The following SLC13A1 variants were observed in gnomAD, a reference collection of about 807,000 sequenced individuals.
SLC13A1 encodes solute carrier family 13 member 1.
A neutral mutation model predicts 70.0 loss-of-function variants in SLC13A1; 65 were observed. The ratio of observed to expected loss-of-function variants is 0.93; its 90% CI spans 0.76 to 1.14. SLC13A1 has a LOEUF of 1.14. Ranked by LOEUF, SLC13A1 falls within the 50% of genes most tolerant of loss-of-function variation. The pLI, the probability that SLC13A1 is intolerant of heterozygous loss-of-function variation, is 0.00. For missense variants in SLC13A1, 726 were observed against 717.8 expected (o/e 1.01, Z -0.13); for synonymous variants, 275 against 250.5 (o/e 1.10, Z -0.92).
chr7:123,136,190 C>G (rs1273349364), intron 7 of SLC13A1, among the ~76,000 whole-genome samples: 1 of 152,192 alleles, frequency 6.6e-6, no homozygotes, highest in Admixed American at 6.5e-5. Flanking sequence ...AGAGCTCTCT[C>G]TACCCACTGG....
At chr7:123,167,189 A>G (rs1795105569) in intron 6 of SLC13A1, among the ~76,000 whole-genome samples, 1 of 152,196 alleles carries the variant, frequency 6.6e-6, no homozygotes, top group Non-Finnish European at 1.5e-5. Context: ...CCATCCCATT[A>G]CTGGGTATAT....
At chr7:123,158,812 AT>A (rs1449192602) in intron 6 of SLC13A1, among the ~76,000 whole-genome samples, 1 of 152,138 alleles carries the variant, frequency 6.6e-6, no homozygotes, top group Non-Finnish European at 1.5e-5. Context: ...AAAATAAAAA[AT>A]AATAACCTAT....
intron 7 of SLC13A1, among the ~76,000 whole-genome samples, chr7:123,144,465 A>G (rs1297095054): frequency 1.3e-5 from 2 of 152,292 alleles, no homozygotes; most frequent in South Asian, 2.1e-4. Flanking sequence ...TTACACAGGA[A>G]TAAACTGAGT....
intron 2 of SLC13A1, among the ~76,000 whole-genome samples, chr7:123,174,599 T>C (rs1401637668): frequency 6.6e-6 from 1 of 152,116 alleles, no homozygotes; most frequent in Non-Finnish European, 1.5e-5. Flanking sequence ...CTTTTTCTGA[T>C]CCACTCCATA....
intron 1 of SLC13A1, among the ~76,000 whole-genome samples, chr7:123,186,008 C>T (rs1020680757): frequency 8.6e-5 from 13 of 151,942 alleles, no homozygotes; most frequent in African/African-American, 3.1e-4. Flanking sequence ...TTTTCTTGGT[C>T]GTGCTTGGGT....
At chr7:123,176,565 A>C (rs1795452102) in intron 2 of SLC13A1, among the ~76,000 whole-genome samples, 2 of 152,318 alleles carry the variant, frequency 1.3e-5, no homozygotes, top group East Asian at 1.9e-4. Context: ...ATCAATAAAT[A>C]GTTGTAAAAA....
At chr7:123,146,997 C>A (rs572828342) in intron 7 of SLC13A1, among the ~76,000 whole-genome samples, 162 bp downstream of exon 7, 1 of 152,212 alleles carries the variant, frequency 6.6e-6, no homozygotes, top group East Asian at 1.9e-4. Flanking sequence ...ATTTAATTCT[C>A]AGTATAAAGG....
At chr7:123,158,884 C>A (rs1019620262) in intron 6 of SLC13A1, among the ~76,000 whole-genome samples, 3 of 152,008 alleles carry the variant, frequency 2.0e-5, no homozygotes, top group African/African-American at 4.8e-5. Flanking sequence ...CAAACAAAAA[C>A]TGTGAATTTA....
intron 8 of SLC13A1, among the ~76,000 whole-genome samples, chr7:123,132,137 G>A (rs557615801): frequency 1.1e-4 from 16 of 152,242 alleles, no homozygotes; most frequent in African/African-American, 3.9e-4. Context: ...GCTGAAATCA[G>A]TGACATTTTA....
At position 123,114,305 on chromosome 7, in the gene SLC13A1, G is replaced by T. The variant is rs1282372078; in HGVS notation, c.*1213C>A. The T allele has an allele frequency of 1.3e-5, 2 of 151,786 alleles. No individual in the cohort carries two copies. Among genetic ancestry groups the T allele is most frequent in the Non-Finnish European group, 2.9e-5 (2 of 67,960 alleles). 9.4% of individuals were successfully genotyped at this position (151,786 alleles called of 1,614,324 possible). On this transcript the variant is annotated 3_prime_UTR_variant, in exon 15 of 15. Coordinates refer to ENST00000194130, the MANE Select transcript of SLC13A1 (RefSeq NM_022444.4). ...ATATATAATATTTGTACATATTTTG[G>T]GGGTGTATGTGATATTTTGCTACCT... is the stretch of plus-strand genomic sequence containing the variant.
At position 123,129,351 on chromosome 7, in the gene SLC13A1, TG is replaced by T. The variant is rs772285118; in HGVS notation, c.1031+31del. ...GTGTGTGTGTGTGTGTGTGTGTGTG[TG>T]TGTGTGTGTGTGTGTGTGTGTTTGT... On this transcript the variant is annotated intron_variant, in intron 9 of 14. Coordinates refer to ENST00000194130, the MANE Select transcript of SLC13A1 (RefSeq NM_022444.4). The T allele has an allele frequency of 1.1e-5, 12 of 1,102,874 alleles. 1 individual carries two copies. Among genetic ancestry groups the T allele is most frequent in the Non-Finnish European group, 1.6e-5 (12 of 750,832 alleles). The allele number at this position is 1,102,874 out of a possible 1,614,324, so 68.3% of individuals were successfully genotyped here.
chr7:123,149,257 A>G (rs763834481), intron 6 of SLC13A1, among the ~76,000 whole-genome samples: 4 of 152,162 alleles, frequency 2.6e-5, no homozygotes, highest in Non-Finnish European at 5.9e-5. Context: ...TCCAAGGGAA[A>G]CAGTCACCTC....
intron 1 of SLC13A1, among the ~76,000 whole-genome samples, chr7:123,188,834 G>A (rs550699708): frequency 1.3e-4 from 20 of 151,746 alleles, no homozygotes; most frequent in African/African-American, 4.3e-4. Flanking sequence ...AAAATCTTTC[G>A]GCCGGGTGCG....
chr7:123,161,674 C>A (rs1415195109), intron 6 of SLC13A1, among the ~76,000 whole-genome samples: 3 of 152,122 alleles, frequency 2.0e-5, no homozygotes, highest in Non-Finnish European at 4.4e-5. Flanking sequence ...GCCACTATAC[C>A]AGCCTATTTC....
At chr7:123,141,559 C>CCT (rs1473453473) in intron 7 of SLC13A1, among the ~76,000 whole-genome samples, 1 of 149,912 alleles carries the variant, frequency 6.7e-6, no homozygotes, top group Non-Finnish European at 1.5e-5. Flanking sequence ...TCTCTCTCTC[C>CCT]CTCTCTCTCT....
intron 1 of SLC13A1, among the ~76,000 whole-genome samples, chr7:123,195,043 A>G (rs1796133894): frequency 6.6e-6 from 1 of 152,168 alleles, no homozygotes; most frequent in Admixed American, 6.5e-5. Flanking sequence ...CTTTCCAGCA[A>G]TTCTGCAAGC....
rs940076815 is a variant in SLC13A1 at position 123,192,906 on chromosome 7, T to C, written c.99+6942A>G. Among the ~76,000 whole-genome samples the C allele has an allele frequency of 5.3e-5, 8 of 152,140 alleles. No individual in the cohort carries two copies. In the East Asian group the frequency reaches 1.5e-3, roughly 29 times the overall value. ...TCAAGGAGAAATAACTAGATGTTTT[T>C]TCTTTTCTTTTTTTTTAAGTTTTTA... On this transcript the variant is annotated intron_variant, in intron 1 of 14. Transcript: ENST00000194130.
chr7:123,149,575 A>C (rs1235169579), intron 6 of SLC13A1: 1 of 456,526 alleles, frequency 2.2e-6, no homozygotes, highest in Non-Finnish European at 4.4e-6. Context: ...TTAAACACTA[A>C]GTTTAAGAGT....
In SLC13A1 at chr7:123,123,713, G is replaced by A. The variant is rs533366119; in HGVS notation, c.1241-478C>T. Among the ~76,000 whole-genome samples, 45 of 152,196 alleles carry A rather than the reference G, an allele frequency of 3.0e-4. No homozygotes were observed. The South Asian group carries it at 9.3e-3, about 32-fold the overall frequency. ...GTTTTTAGGTCATAAGGAGGATCAT[G>A]ATAGATTCACCAAGATTTCAGTTTA... On this transcript the variant is annotated intron_variant, in intron 11 of 14. Coordinates refer to ENST00000194130, the MANE Select transcript of SLC13A1 (RefSeq NM_022444.4).
Sources: gnomAD v4.1 joint callset for allele counts (sites outside exome capture counted in the v4.1 genomes callset) on GRCh38, gnomAD v4.1.1 for gene constraint, MANE v1.5 for transcripts, NCBI Gene and HGNC (gene_info 2026-07-23, HGNC 2026-07-21) for gene names.